The following INPP5A variants were observed in gnomAD, a reference collection of about 807,000 sequenced individuals.
INPP5A encodes inositol polyphosphate-5-phosphatase A, also known as 43 kDa inositol polyphosphate 5-phophatase.
In INPP5A, 14 loss-of-function variants were observed where a neutral mutation model predicts 65.2. That is an observed-to-expected ratio of 0.21 (90% confidence interval 0.14 to 0.34). The LOEUF (loss-of-function observed/expected upper bound fraction) is 0.34, where lower values mean the gene tolerates loss of function less well. Among genes scored for constraint, INPP5A ranks in the 10% least tolerant of loss-of-function variants. The pLI, the probability that INPP5A is intolerant of heterozygous loss-of-function variation, is 1.00. For synonymous variants in INPP5A, 207 were observed against 208.3 expected, an observed-to-expected ratio of 0.99 and a Z score of 0.05; for missense variants, 431 against 545.6, an observed-to-expected ratio of 0.79 and a Z score of 2.09.
rs1279519355 is a variant in INPP5A, at chr10:132,710,238, C to A, written c.528-99C>A. ...TCGGGTGGCTCCGCACGGCGGAGGC[C>A]AGTGCAGGTCTTATCTTCCCGGGGA... is the stretch of plus-strand genomic sequence containing the variant. On this transcript the variant is annotated intron_variant, in intron 7 of 15. Coordinates refer to ENST00000368594, the MANE Select transcript of INPP5A (RefSeq NM_005539.5). The A allele has an allele frequency of 2.8e-6, 4 of 1,423,414 alleles. No individual in the cohort carries two copies. In the East Asian group the frequency reaches 7.4e-5, roughly 26 times the overall value. The allele number at this position is 1,423,414 out of a possible 1,614,324, so 88.2% of individuals were successfully genotyped here. A position where few individuals can be genotyped will look rare whatever the true frequency, so the allele number is the denominator to read the frequency against.
chr10:132,660,785 G>T (rs1299539637), intron 4 of INPP5A, among the ~76,000 whole-genome samples: 1 of 152,242 alleles, frequency 6.6e-6, no homozygotes, highest in African/African-American at 2.4e-5. Flanking sequence ...ACTGGGGGAA[G>T]ATGGAGAAGG....
chr10:132,700,656 C>T (rs1019089247), intron 6 of INPP5A, among the ~76,000 whole-genome samples: 4 of 152,226 alleles, frequency 2.6e-5, no homozygotes, highest in Non-Finnish European at 4.4e-5. Flanking sequence ...CCCGCCCCTC[C>T]CTCTGTGCCT....
chr10:132,675,580 G>A lies in INPP5A; in HGVS notation c.307-14812G>A, dbSNP rs796268581. Among the ~76,000 whole-genome samples, 9 of 152,098 alleles carry A rather than the reference G, an allele frequency of 5.9e-5. 1 individual carries two copies. Among genetic ancestry groups the A allele is most frequent in the African/African-American group, 2.2e-4 (9 of 41,436 alleles). ...GAGTGAGCGTTCCAGGGGCCTTGCC[G>A]TGCCCGGGAGAGTGAGGGTAACGGA... On this transcript the variant is annotated intron_variant, in intron 4 of 15. Coordinates refer to ENST00000368594, the MANE Select transcript of INPP5A (RefSeq NM_005539.5). This position sits in a 1 kb window ranked among gnomAD's most constrained non-coding sequence, Gnocchi z 4.2.
intron 4 of INPP5A, 76 bp from the exon 5 acceptor site, chr10:132,690,316 C>G (rs963466957): frequency 4.9e-5 from 49 of 996,994 alleles, no homozygotes; most frequent in Non-Finnish European, 7.5e-5. Context: ...AAAAGAGCTT[C>G]TTTTATTGTT....
chr10:132,721,668 C>T (rs1250966962), intron 8 of INPP5A, among the ~76,000 whole-genome samples: 3 of 149,146 alleles, frequency 2.0e-5, no homozygotes, highest in Admixed American at 6.7e-5. Context: ...TCTGTCTGGG[C>T]ACCTTAGACA....
At position 132,644,291 on chromosome 10, in the gene INPP5A, C is replaced by T. The variant is rs941090696; in HGVS notation, c.118-1577C>T. ...AGGCGGCTGCGAACTCAGGCACGGC[C>T]GCCCTTGTCTCCTGCTGCCGCTGCC... On this transcript the variant is annotated intron_variant, in intron 2 of 15. Coordinates refer to ENST00000368594, the MANE Select transcript of INPP5A (RefSeq NM_005539.5). This position sits in a 1 kb window ranked among gnomAD's most constrained non-coding sequence, Gnocchi z 6.5. Among the ~76,000 whole-genome samples, 4 of 152,234 alleles carry T rather than the reference C, an allele frequency of 2.6e-5. No homozygotes were observed. Among genetic ancestry groups the T allele is most frequent in the East Asian group, 3.9e-4 (2 of 5,192 alleles).
chr10:132,584,764 C>T (rs574435789), intron 1 of INPP5A, among the ~76,000 whole-genome samples: 4 of 152,306 alleles, frequency 2.6e-5, no homozygotes, highest in Admixed American at 6.5e-5. Flanking sequence ...GAGACAGGGT[C>T]TCCCTCTGTC....
Position 132,637,175 on chromosome 10 carries a change from G to A in INPP5A, c.118-8693G>A, listed in dbSNP as rs191159898. On this transcript the variant is annotated intron_variant, in intron 2 of 15. Coordinates refer to ENST00000368594, the MANE Select transcript of INPP5A (RefSeq NM_005539.5). The surrounding 1 kb of genome is among the most constrained non-coding windows in gnomAD (Gnocchi z 4.1). ...TTGTGGTTGATCCGCCCGCTGCCTCGGCCTCCCAAAGTGGTGGGATTACAG... is the reference window on the plus strand; with the variant it reads ...TTGTGGTTGATCCGCCCGCTGCCTCAGCCTCCCAAAGTGGTGGGATTACAG... Among the ~76,000 whole-genome samples, 7 of 152,252 alleles carry A rather than the reference G, an allele frequency of 4.6e-5. No homozygotes were observed. The South Asian group carries it at 8.3e-4, about 18-fold the overall frequency.
In INPP5A at chr10:132,551,116, C is replaced by G. The variant is rs1274619697; in HGVS notation, c.75+12945C>G. Among the ~76,000 whole-genome samples the G allele has an allele frequency of 6.6e-6, 1 of 152,200 alleles. No individual in the cohort carries two copies. Among genetic ancestry groups the G allele is most frequent in the East Asian group, 1.9e-4 (1 of 5,194 alleles). ...GATGATGGGGATGAGGCCCAGAGTGCGAGCCTGGTGGGCAGCTGTGGAGCC... is the reference window on the plus strand; with the variant it reads ...GATGATGGGGATGAGGCCCAGAGTGGGAGCCTGGTGGGCAGCTGTGGAGCC... On this transcript the variant is annotated intron_variant, in intron 1 of 15. Transcript: ENST00000368594. This position sits in a 1 kb window ranked among gnomAD's most constrained non-coding sequence, Gnocchi z 5.3.
At chr10:132,657,363 C>T (rs1590901113) in intron 4 of INPP5A, among the ~76,000 whole-genome samples, 2 of 152,352 alleles carry the variant, frequency 1.3e-5, no homozygotes. Context: ...GGCTTCTAGG[C>T]TTTTCCAGGG....
chr10:132,735,595 C>T (rs556547041), intron 9 of INPP5A, among the ~76,000 whole-genome samples: 9 of 152,366 alleles, frequency 5.9e-5, no homozygotes, highest in Admixed American at 2.0e-4. Flanking sequence ...CTTGCCCCCT[C>T]GGTCCTGGGC....
At chr10:132,774,657 G>A (rs529263123) in intron 12 of INPP5A, among the ~76,000 whole-genome samples, 17 of 152,084 alleles carry the variant, frequency 1.1e-4, no homozygotes, top group African/African-American at 2.4e-4. Flanking sequence ...TCTGCTTCTC[G>A]GGCCCGTGGC....
rs566944457 is a variant in INPP5A at position 132,571,831 on chromosome 10, C to T, written c.75+33660C>T. Among the ~76,000 whole-genome samples the T allele has an allele frequency of 3.9e-5, 6 of 152,316 alleles. No homozygotes were observed. In the East Asian group the frequency reaches 1.2e-3, roughly 29 times the overall value. On this transcript the variant is annotated intron_variant, in intron 1 of 15. Coordinates refer to ENST00000368594, the MANE Select transcript of INPP5A (RefSeq NM_005539.5). Reference sequence around the variant, plus strand: ...TAGCGAGTGAGCAGCCAGTGTGAGGCCCTGCGGTAGCAGGTGGAGGGGGCA... The same window carrying T: ...TAGCGAGTGAGCAGCCAGTGTGAGGTCCTGCGGTAGCAGGTGGAGGGGGCA...
rs571957442 is a variant in INPP5A, at chr10:132,596,976, C to T, written c.76-10939C>T. Among the ~76,000 whole-genome samples, 210 of 131,348 alleles carry T rather than the reference C, an allele frequency of 1.6e-3. 1 individual carries two copies. Among genetic ancestry groups the T allele is most frequent in the African/African-American group, 5.1e-3 (175 of 34,410 alleles). The allele number at this position is 131,348 out of a possible 152,430, so 86.2% of individuals were successfully genotyped here. On this transcript the variant is annotated intron_variant, in intron 1 of 15. Transcript: ENST00000368594. ...GCACACATGTGTGCGTGTGTGCATG[C>T]GTGTGTGCATGCACGTGTGTTTGTG...
chr10:132,572,483 G>A (rs1409374968), intron 1 of INPP5A, among the ~76,000 whole-genome samples: 2 of 152,122 alleles, frequency 1.3e-5, no homozygotes, highest in Non-Finnish European at 2.9e-5. Flanking sequence ...GGGATGCTGA[G>A]CACGCCCGCC....
chr10:132,576,673 G>A (rs1454384687), intron 1 of INPP5A, among the ~76,000 whole-genome samples: 1 of 152,236 alleles, frequency 6.6e-6, no homozygotes, highest in East Asian at 1.9e-4. Flanking sequence ...ACTTGCATAT[G>A]TTACTTTCAA....
intron 4 of INPP5A, among the ~76,000 whole-genome samples, chr10:132,680,330 G>A (rs993864485): frequency 2.0e-5 from 3 of 152,208 alleles, no homozygotes; most frequent in Admixed American, 2.0e-4. Context: ...GCGTGGAGAC[G>A]GCCGATAAGT....
intron 9 of INPP5A, among the ~76,000 whole-genome samples, chr10:132,737,884 A>C (rs1054657888): frequency 6.6e-6 from 1 of 152,212 alleles, no homozygotes; most frequent in South Asian, 2.1e-4. Context: ...TGTTATACTT[A>C]ATTATAGTGA....
At chr10:132,565,707 G>A (rs1324788794) in intron 1 of INPP5A, among the ~76,000 whole-genome samples, 1 of 151,688 alleles carries the variant, frequency 6.6e-6, no homozygotes, top group Non-Finnish European at 1.5e-5. Context: ...GTATGTGAAT[G>A]TGTGCCTGAG....
Sources: allele counts gnomAD v4.1 joint callset (sites outside exome capture counted in the v4.1 genomes callset), GRCh38; gene constraint gnomAD v4.1.1; non-coding constraint Gnocchi (gnomAD v3.1); transcripts MANE v1.5; gene names NCBI Gene and HGNC (gene_info 2026-07-23, HGNC 2026-07-21).